ABCA8: variants seen among roughly 807,000 people sequenced by gnomAD.
ABCA8 encodes ABC-type organic anion transporter ABCA8.
In ABCA8, 177 loss-of-function variants were observed where a neutral mutation model predicts 192.3. The observed-to-expected ratio is 0.92, with a 90% CI of 0.81 to 1.04. The LOEUF is 1.04. ABCA8 is among the 50% of genes least tolerant of loss of function. ABCA8 has a pLI of 0.00. For synonymous variants in ABCA8, 642 were observed against 690.2 expected (o/e 0.93, Z 1.09); for missense variants, 1,915 against 1,904.8 (o/e 1.01, Z -0.10).
chr17:68,911,868 A>G lies in ABCA8; in HGVS notation c.2139-3989T>C, dbSNP rs1378263764. ...CAAAGTGGTACGTCGAAGAGTCTGC[A>G]AGAATCACCATGTTACTGGATTTGA... is the stretch of plus-strand genomic sequence containing the variant. On this transcript the variant is annotated intron_variant, in intron 17 of 39. Coordinates refer to ENST00000586539, the MANE Select transcript of ABCA8 (RefSeq NM_001288985.2). The surrounding 1 kb of genome is among the most constrained non-coding windows in gnomAD (Gnocchi z 5.7). Among the ~76,000 whole-genome samples the G allele has an allele frequency of 6.6e-6, 1 of 152,176 alleles. No homozygotes were observed. The highest frequency in any genetic ancestry group is 2.4e-5 in the African/African-American group (1 of 41,446).
At chr17:68,916,900 A>G (rs28437009) in intron 17 of ABCA8, among the ~76,000 whole-genome samples, 3,675 of 152,332 alleles carry the variant, frequency 0.024, 103 homozygotes, top group South Asian at 0.063. Context: ...CTCCAGATCA[A>G]TATCTCTTAC....
chr17:68,924,446 C>T (rs1270643301), intron 11 of ABCA8, among the ~76,000 whole-genome samples: 1 of 151,886 alleles, frequency 6.6e-6, no homozygotes, highest in Non-Finnish European at 1.5e-5. Context: ...AGACTGAATC[C>T]GGGCAAGGGT....
intron 1 of ABCA8, among the ~76,000 whole-genome samples, chr17:68,952,729 C>T (rs1189307969): frequency 2.0e-5 from 3 of 152,024 alleles, no homozygotes; most frequent in African/African-American, 7.2e-5. Flanking sequence ...TGGATTTTAC[C>T]TAAAATTGCT....
At position 68,876,483 on chromosome 17, in the gene ABCA8, G is replaced by T. The variant is rs750201766; in HGVS notation, c.4347C>A (p.Asp1449Glu). The T allele has an allele frequency of 1.9e-6, 3 of 1,614,002 alleles. No individual in the cohort carries two copies. Among genetic ancestry groups the T allele is most frequent in the East Asian group, 2.2e-5 (1 of 44,866 alleles). The change falls in exon 35 of 40, where the codon GAC (aspartate) becomes GAA (glutamate). Residue 1449 changes from aspartate to glutamate, a missense_variant. Coordinates refer to ENST00000586539, the MANE Select transcript of ABCA8 (RefSeq NM_001288985.2). ...VLLDEPSTGM[D>E]PEGQQQMWQA... ...ACCACATTTGCTGCTGCCCCTCGGG[G>T]TCCATCCCGGTCGACGGCTCATCCA...
chr17:68,915,033 T>C (rs1050333317), intron 17 of ABCA8, among the ~76,000 whole-genome samples: 1 of 151,932 alleles, frequency 6.6e-6, no homozygotes, highest in Non-Finnish European at 1.5e-5. Flanking sequence ...GGAATATACA[T>C]TGGGGAAAGT....
At chr17:68,889,577 C>G (rs1412154083) in intron 24 of ABCA8, among the ~76,000 whole-genome samples, 2 of 152,126 alleles carry the variant, frequency 1.3e-5, no homozygotes, top group Non-Finnish European at 2.9e-5. Flanking sequence ...AGAAAAAGTA[C>G]CCATACTAAG....
rs542255911 is a variant in ABCA8 at position 68,912,844 on chromosome 17, T to C, written c.2138+4517A>G. ...CACACTACTTTCAGCACTGGACAGA[T>C]GATCCAGACAGAAAATCAAAAACAT... On this transcript the variant is annotated intron_variant, in intron 17 of 39. Transcript: ENST00000586539. Among the ~76,000 whole-genome samples the C allele has an allele frequency of 3.3e-5, 5 of 152,288 alleles. No individual in the cohort carries two copies. The East Asian group carries it at 5.8e-4, about 18-fold the overall frequency.
At position 68,875,606 on chromosome 17, in the gene ABCA8, G is replaced by T. The variant is rs748019268; in HGVS notation, c.4490+8C>A. On this transcript the variant is annotated splice_region_variant and intron_variant, in intron 36 of 39. Coordinates refer to ENST00000586539, the MANE Select transcript of ABCA8 (RefSeq NM_001288985.2). Reference sequence around the variant, plus strand: ...GGGCTCAAGTGTGGGTCCAGGACAGGCACTCACCTCAACCTCCCAGATACC... The same window carrying T: ...GGGCTCAAGTGTGGGTCCAGGACAGTCACTCACCTCAACCTCCCAGATACC... 7 of 1,613,594 alleles carry T rather than the reference G, an allele frequency of 4.3e-6. No homozygotes were observed. The highest frequency in any genetic ancestry group is 2.2e-5 in the East Asian group (1 of 44,872).
intron 36 of ABCA8, 40 bp from the exon 37 acceptor site, chr17:68,875,440 C>A (rs776096484): frequency 2.2e-5 from 36 of 1,607,364 alleles, no homozygotes; most frequent in Middle Eastern, 3.3e-4. Flanking sequence ...AAAAAAAAAA[C>A]CATTCAGTAT....
At chr17:68,926,599 G>A (rs977417516) in intron 10 of ABCA8, among the ~76,000 whole-genome samples, 2 of 152,180 alleles carry the variant, frequency 1.3e-5, no homozygotes, top group African/African-American at 4.8e-5. Flanking sequence ...AATCAGTTAT[G>A]TAATTTTTAC....
intron 9 of ABCA8, 120 bp downstream of exon 9, chr17:68,928,929 C>G: frequency 3.5e-6 from 3 of 849,920 alleles, no homozygotes; most frequent in Non-Finnish European, 4.8e-6. Flanking sequence ...AACTTTACAA[C>G]AGCCTTCGCT....
At position 68,927,351 on chromosome 17, in the gene ABCA8, T is replaced by A. The variant is rs568526096; in HGVS notation, c.1273+565A>T. Reference sequence around the variant, plus strand: ...AAATCTCATCTGTGAACAAAACGAATCCCTGCTTTTGTGTAACTCATATTC... The same window carrying A: ...AAATCTCATCTGTGAACAAAACGAAACCCTGCTTTTGTGTAACTCATATTC... On this transcript the variant is annotated intron_variant, in intron 10 of 39. Coordinates refer to ENST00000586539, the MANE Select transcript of ABCA8 (RefSeq NM_001288985.2). 3.0e-4 allele frequency among the ~76,000 whole-genome samples: 46 copies of A among 152,242 alleles called. 1 individual carries two copies. The South Asian group carries it at 9.3e-3, about 31-fold the overall frequency.
In ABCA8 at chr17:68,932,363, G is replaced by A; in HGVS notation, c.722C>T (p.Ser241Phe). The A allele has an allele frequency of 6.2e-7, 1 of 1,613,988 alleles. No homozygotes were observed. Among genetic ancestry groups the A allele is most frequent in the Middle Eastern group, 1.6e-4 (1 of 6,062 alleles). ...TTTCCTCTCTCTTGTGACATTAACAGATGCATAGTAAATGAATGAGGAAAA... is the reference window on the plus strand; with the variant it reads ...TTTCCTCTCTCTTGTGACATTAACAAATGCATAGTAAATGAATGAGGAAAA... Reference protein sequence around the residue: ...ISFSSFIYYASVNVTRERKRM... With the variant: ...ISFSSFIYYAFVNVTRERKRM... The change falls in exon 7 of 40, where the codon TCT (serine) becomes TTT (phenylalanine). Residue 241 changes from serine (S) to phenylalanine (F), a missense_variant. Transcript: ENST00000586539.
rs1405447997 is a variant in ABCA8, at chr17:68,929,550, C to A, written c.939+11G>T. ...TAGGTGGATGGAAAGATATTTAATT[C>A]ACTAACTCACCAAAGATAATCCATA... is the stretch of plus-strand genomic sequence containing the variant. On this transcript the variant is annotated intron_variant, in intron 8 of 39. Coordinates refer to ENST00000586539, the MANE Select transcript of ABCA8 (RefSeq NM_001288985.2). 6.2e-7 allele frequency: 1 copy of A among 1,607,200 alleles called. No individual in the cohort carries two copies. Among genetic ancestry groups the A allele is most frequent in the Non-Finnish European group, 8.5e-7 (1 of 1,177,736 alleles).
chr17:68,907,877 A>T lies in ABCA8; in HGVS notation c.2141T>A (p.Leu714Ter), dbSNP rs769726002. 11 of 1,561,670 alleles carry T rather than the reference A, an allele frequency of 7.0e-6. No individual in the cohort carries two copies. The highest frequency in any genetic ancestry group is 9.5e-6 in the Non-Finnish European group (11 of 1,163,186). The stretch of plus-strand genomic sequence containing the variant: ...CTCAACACATATTTCATTTAACTGC[A>T]AGCTGGCATTCAGAAAAAAAAAAAA... ...KKWGIGYHLS[L>*]QLNEICVEEN... is the part of the protein sequence containing the mutation. The change falls in exon 18 of 40, where the codon TTG becomes TAG. Residue 714 changes from leucine to a stop codon, truncating the protein, a stop_gained and splice_region_variant. Transcript: ENST00000586539. LOFTEE classifies it high-confidence loss of function.
intron 10 of ABCA8, among the ~76,000 whole-genome samples, chr17:68,927,671 C>T (rs1438339475): frequency 6.6e-6 from 1 of 151,924 alleles, no homozygotes; most frequent in Admixed American, 6.6e-5. Context: ...ATACCATATA[C>T]TTAAAGTGAA....
intron 32 of ABCA8, chr17:68,878,643 G>A (rs977832623): frequency 6.6e-6 from 1 of 152,342 alleles, no homozygotes; most frequent in South Asian, 2.1e-4. Flanking sequence ...TCATTCCAAT[G>A]TATTAATGAG....
intron 16 of ABCA8, 80 bp downstream of exon 16, chr17:68,917,967 T>C (rs891440569): frequency 2.0e-6 from 3 of 1,525,936 alleles, no homozygotes; most frequent in South Asian, 2.6e-5. Flanking sequence ...AATTACAAAA[T>C]ATAACTGTTC....
intron 21 of ABCA8, among the ~76,000 whole-genome samples, chr17:68,901,183 G>C (rs561132320): frequency 1.3e-5 from 2 of 152,240 alleles, no homozygotes; most frequent in South Asian, 4.1e-4. Context: ...TATGTAATTG[G>C]GGGTTACCAA....
Sources: allele counts gnomAD v4.1 joint callset (sites outside exome capture counted in the v4.1 genomes callset), GRCh38; gene constraint gnomAD v4.1.1; non-coding constraint Gnocchi (gnomAD v3.1); transcripts MANE v1.5; gene names NCBI Gene and HGNC (gene_info 2026-07-23, HGNC 2026-07-21).